The following DAND5 variants were observed in gnomAD, a reference collection of about 807,000 sequenced individuals.
DAND5 encodes the protein DAN domain family member 5.
Under a neutral mutation model 9.2 loss-of-function variants are expected in DAND5, and 8 were observed. That is an observed-to-expected ratio of 0.87 (90% confidence interval 0.51 to 1.56). The LOEUF (loss-of-function observed/expected upper bound fraction) is 1.56. DAND5 is among the 40% of genes most tolerant of loss of function. The pLI is 0.00. For missense variants in DAND5, 244 were observed against 244.7 expected (o/e 1.00, Z 0.02); for synonymous variants, 95 against 101.1 (o/e 0.94, Z 0.36).
At position 12,969,615 on chromosome 19, in the gene DAND5, C is replaced by A; in HGVS notation, c.-46C>A. On this transcript the variant is annotated 5_prime_UTR_variant, in exon 1 of 2. Transcript: ENST00000317060. ...AGGGTCGACTGCTAGTGACCTTGAG[C>A]CCAGTCCGGACAGACAGACAGGCAG... is the stretch of plus-strand genomic sequence containing the variant. 6.5e-7 allele frequency: 1 copy of A among 1,544,066 alleles called. No homozygotes were observed.
chr19:12,972,200 A>G (rs2011149008), intron 1 of DAND5, among the ~76,000 whole-genome samples: 1 of 151,404 alleles, frequency 6.6e-6, no homozygotes, highest in African/African-American at 2.4e-5. Context: ...CTGGGACCAC[A>G]GGCGCCCACC....
At chr19:12,971,424 A>T (rs2011145051) in intron 1 of DAND5, among the ~76,000 whole-genome samples, 1 of 150,002 alleles carries the variant, frequency 6.7e-6, no homozygotes, top group African/African-American at 2.5e-5. Flanking sequence ...TTTTACAAGC[A>T]CACGCCACCA....
At position 12,973,392 on chromosome 19, in the gene DAND5, T is replaced by G; in HGVS notation, c.328T>G (p.Phe110Val). 1 of 1,613,864 alleles carries G rather than the reference T, an allele frequency of 6.2e-7. No homozygotes were observed. Among genetic ancestry groups the G allele is most frequent in the Non-Finnish European group, 8.5e-7 (1 of 1,179,940 alleles). ...GTCTCCATGCCTCCGGCCCCAGGTG[T>G]TCTCCCGGCCCGGCTGCTCAGCCAT... is the stretch of plus-strand genomic sequence containing the variant. Reference protein sequence around the residue: ...MCKAVPFVQVFSRPGCSAIRL... With the variant: ...MCKAVPFVQVVSRPGCSAIRL... The change falls in exon 2 of 2, where the codon TTC becomes GTC. Residue 110 changes from phenylalanine (F) to valine (V), a missense_variant. Transcript: ENST00000317060.
Position 12,973,855 on chromosome 19 carries a change from A to G in DAND5, c.*221A>G, listed in dbSNP as rs2011159746. 1 of 567,350 alleles carries G rather than the reference A, an allele frequency of 1.8e-6. No homozygotes were observed. 35.1% of individuals were successfully genotyped at this position (567,350 alleles called of 1,614,324 possible). A position where few individuals can be genotyped will look rare whatever the true frequency, so the allele number is the denominator to read the frequency against. ...TGATAGTCACAGCACACAATGATTGACAACTCACTTTTTTTTTTTTTTTTT... is the reference window on the plus strand; with the variant it reads ...TGATAGTCACAGCACACAATGATTGGCAACTCACTTTTTTTTTTTTTTTTT... On this transcript the variant is annotated 3_prime_UTR_variant, in exon 2 of 2. Transcript: ENST00000317060.
At chr19:12,971,909 G>A (rs564292145) in intron 1 of DAND5, among the ~76,000 whole-genome samples, 1 of 151,606 alleles carries the variant, frequency 6.6e-6, no homozygotes, top group Non-Finnish European at 1.5e-5. Flanking sequence ...TTTTTTGTTA[G>A]AGACAGGGTC....
chr19:12,969,800 C>G lies in DAND5; in HGVS notation c.140C>G (p.Ala47Gly), dbSNP rs758442482. Residue 47 changes from alanine (A) to glycine (G), a missense_variant, in exon 1 of 2, where the codon GCC becomes GGC. Ala to Gly is a moderately conservative substitution (Grantham distance 60). Coordinates refer to ENST00000317060, the MANE Select transcript of DAND5 (RefSeq NM_152654.3). ...ANQTWALGPG[A>G]LPPLVPASAL... Reference sequence around the variant, plus strand: ...CAGACCTGGGCTCTGGGCCCAGGGGCCCTGCCCCCACTGGTGCCAGCTTCT... The same window carrying G: ...CAGACCTGGGCTCTGGGCCCAGGGGGCCTGCCCCCACTGGTGCCAGCTTCT... The G allele has an allele frequency of 2.5e-6, 4 of 1,599,898 alleles. No individual in the cohort carries two copies. The African/African-American group carries it at 4.0e-5, about 16-fold the overall frequency.
chr19:12,969,758 C>T lies in DAND5; in HGVS notation c.98C>T (p.Ser33Phe). 6.3e-7 allele frequency: 1 copy of T among 1,589,644 alleles called. No individual in the cohort carries two copies. The highest frequency in any genetic ancestry group is 8.6e-7 in the Non-Finnish European group (1 of 1,169,214). Residue 33 changes from serine (S) to phenylalanine (F), a missense_variant, in exon 1 of 2, where the codon TCC (serine) becomes TTC (phenylalanine). By Grantham distance (155) the Ser-to-Phe change is radical. Transcript: ENST00000317060. The part of the protein sequence containing the change: ...RPEPQSPRPQ[S>F]WAAANQTWAL... ...GAACCCCAGTCTCCTCGACCTCAGT[C>T]CTGGGCTGCAGCCAATCAGACCTGG...
intron 1 of DAND5, among the ~76,000 whole-genome samples, chr19:12,972,932 G>A (rs900181984): frequency 1.0e-4 from 15 of 142,962 alleles, no homozygotes; most frequent in East Asian, 4.2e-4. Context: ...GCGCTATCTC[G>A]GCTCACTACA....
In DAND5 at chr19:12,973,399, G is replaced by C; in HGVS notation, c.335G>C (p.Arg112Pro). 6.2e-7 allele frequency: 1 copy of C among 1,613,906 alleles called. No homozygotes were observed. The highest frequency in any genetic ancestry group is 1.1e-5 in the South Asian group (1 of 91,070). ...KAVPFVQVFS[R>P]PGCSAIRLRN... ...TGCCTCCGGCCCCAGGTGTTCTCCC[G>C]GCCCGGCTGCTCAGCCATACGCCTC... The change falls in exon 2 of 2, where the codon CGG (arginine) becomes CCG (proline). Residue 112 changes from arginine to proline, a missense_variant. Transcript: ENST00000317060.
Position 12,973,415 on chromosome 19 carries a change from C to T in DAND5, c.351C>T (p.Ala117=). 1.9e-6 allele frequency: 3 copies of T among 1,614,152 alleles called. No homozygotes were observed. The highest frequency in any genetic ancestry group is 3.3e-5 in the Admixed American group (2 of 60,006). Residue 117 remains alanine, a synonymous_variant, in exon 2 of 2, where the codon GCC becomes GCT. Coordinates refer to ENST00000317060, the MANE Select transcript of DAND5 (RefSeq NM_152654.3). ...VQVFSRPGCS[A]IRLRNHLCFG... is the part of the protein sequence containing the mutation. ...TGTTCTCCCGGCCCGGCTGCTCAGC[C>T]ATACGCCTCCGAAATCATCTGTGCT...
rs2011161630 is a variant in DAND5, at chr19:12,974,123, A to AC, written c.*489_*490insC. 1 of 111,952 alleles carries AC rather than the reference A, an allele frequency of 8.9e-6. No individual in the cohort carries two copies. The highest frequency in any genetic ancestry group is 1.9e-5 in the Non-Finnish European group (1 of 52,408). 6.9% of individuals were successfully genotyped at this position (111,952 alleles called of 1,614,324 possible). On this transcript the variant is annotated 3_prime_UTR_variant, in exon 2 of 2. Coordinates refer to ENST00000317060, the MANE Select transcript of DAND5 (RefSeq NM_152654.3). ...GTGATCTGCCTGCCTTGGCCTTATT[A>AC]TTTTTTTTTTTTAAGGACAGAGTCT...
rs961763702 is a variant in DAND5, at chr19:12,973,109, G to A, written c.325-280G>A. On this transcript the variant is annotated intron_variant, in intron 1 of 1. Transcript: ENST00000317060. ...GATCTGCTGACCTCGTGATCCGCCC[G>A]CCTTGGCCTCCCAAAGTGCTGGGAT... 7.3e-4 allele frequency among the ~76,000 whole-genome samples: 111 copies of A among 151,826 alleles called. 1 individual carries two copies. The highest frequency in any genetic ancestry group is 1.6e-3 in the African/African-American group (67 of 41,404).
chr19:12,973,839 C>A lies in DAND5; in HGVS notation c.*205C>A. 3.2e-6 allele frequency: 2 copies of A among 632,218 alleles called. No homozygotes were observed. The highest frequency in any genetic ancestry group is 5.3e-6 in the Non-Finnish European group (2 of 379,556). 39.2% of individuals were successfully genotyped at this position (632,218 alleles called of 1,614,324 possible). A position where few individuals can be genotyped will look rare whatever the true frequency, so the allele number is the denominator to read the frequency against. On this transcript the variant is annotated 3_prime_UTR_variant, in exon 2 of 2. Transcript: ENST00000317060. Reference sequence around the variant, plus strand: ...CCTGGAGTTGCACCACTGATAGTCACAGCACACAATGATTGACAACTCACT... The same window carrying A: ...CCTGGAGTTGCACCACTGATAGTCAAAGCACACAATGATTGACAACTCACT...
At chr19:12,971,461 T>C (rs1020107129) in intron 1 of DAND5, among the ~76,000 whole-genome samples, 31 of 151,770 alleles carry the variant, frequency 2.0e-4, no homozygotes, top group Admixed American at 1.7e-3. Context: ...GTATTTTTAG[T>C]AGAGACGGGC....
chr19:12,973,038 AT>A (rs551504803), intron 1 of DAND5, among the ~76,000 whole-genome samples: 1 of 149,650 alleles, frequency 6.7e-6, no homozygotes, highest in Non-Finnish European at 1.5e-5. Context: ...CATTTTTTGT[AT>A]TTTTAGTAGA....
chr19:12,973,561 G>A lies in DAND5; in HGVS notation c.497G>A (p.Ser166Asn), dbSNP rs758029495. 1 of 1,614,182 alleles carries A rather than the reference G, an allele frequency of 6.2e-7. No individual in the cohort carries two copies. Among genetic ancestry groups the A allele is most frequent in the Non-Finnish European group, 8.5e-7 (1 of 1,180,034 alleles). The change falls in exon 2 of 2, where the codon AGC (serine) becomes AAC (asparagine). Residue 166 changes from serine to asparagine, a missense_variant. Coordinates refer to ENST00000317060, the MANE Select transcript of DAND5 (RefSeq NM_152654.3). ...GTGGTCCTGTGGTGTCTCACTGGCA[G>A]CTCAGCCTCCCGTCGACGGGTGAAG... ...APVVLWCLTG[S>N]SASRRRVKIS...
intron 1 of DAND5, 33 bp from the exon 2 acceptor site, chr19:12,973,356 C>T (rs758960505): frequency 2.4e-5 from 39 of 1,606,052 alleles, no homozygotes; most frequent in Non-Finnish European, 3.0e-5. Context: ...CCAAACTCCG[C>T]CACCCTGACC....
chr19:12,970,034 A>G, intron 1 of DAND5, 50 bp downstream of exon 1: 1 of 1,602,044 alleles, frequency 6.2e-7, no homozygotes, highest in Non-Finnish European at 8.5e-7. Flanking sequence ...CCATTGGCAG[A>G]AGGCACAGGC....
In DAND5 at chr19:12,973,425, C is replaced by T. The variant is rs1178889697; in HGVS notation, c.361C>T (p.Arg121Ter). 34 of 1,614,014 alleles carry T rather than the reference C, an allele frequency of 2.1e-5. No individual in the cohort carries two copies. The Admixed American group carries it at 4.5e-4, about 21-fold the overall frequency. ...GCCCGGCTGCTCAGCCATACGCCTCCGAAATCATCTGTGCTTTGGTCATTG... is the reference window on the plus strand; with the variant it reads ...GCCCGGCTGCTCAGCCATACGCCTCTGAAATCATCTGTGCTTTGGTCATTG... ...SRPGCSAIRL[R>*]NHLCFGHCSS... Residue 121 changes from arginine (R) to a stop codon, truncating the protein, a stop_gained, in exon 2 of 2, where the codon CGA (arginine) becomes TGA (stop). Coordinates refer to ENST00000317060, the MANE Select transcript of DAND5 (RefSeq NM_152654.3). LOFTEE classifies it low-confidence loss of function (END_TRUNC).
Sources: gnomAD v4.1 joint callset for allele counts (sites outside exome capture counted in the v4.1 genomes callset) on GRCh38, gnomAD v4.1.1 for gene constraint, MANE v1.5 for transcripts, NCBI Gene and HGNC (gene_info 2026-07-23, HGNC 2026-07-21) for gene names.